DNAH2: variants seen among roughly 807,000 people sequenced by gnomAD.
DNAH2 encodes dynein axonemal heavy chain 2.
In DNAH2, 323 loss-of-function variants were observed where a neutral mutation model predicts 523.5. That is an observed-to-expected ratio of 0.62 (90% CI 0.56 to 0.68). The LOEUF is 0.68. DNAH2 is among the 30% of genes least tolerant of loss of function. The probability of loss-of-function intolerance (pLI) is 0.00; values close to 1 mark genes in which losing one functional copy is unlikely to be tolerated. For synonymous variants in DNAH2, 2,093 were observed against 2,177.4 expected, an observed-to-expected ratio of 0.96 and a Z score of 1.08; for missense variants, 4,907 against 5,701.5, an observed-to-expected ratio of 0.86 and a Z score of 4.49.
intron 12 of DNAH2, among the ~76,000 whole-genome samples, chr17:7,744,499 G>A (rs569361089): frequency 4.6e-5 from 7 of 152,094 alleles, no homozygotes; most frequent in South Asian, 2.1e-4. Flanking sequence ...GAAGCAGAGC[G>A]GAGTGTCAGG....
chr17:7,744,603 G>C (rs187409616), intron 12 of DNAH2, among the ~76,000 whole-genome samples: 1 of 152,264 alleles, frequency 6.6e-6, no homozygotes, highest in Admixed American at 6.5e-5. Context: ...TGTGCACATG[G>C]CTAGGTCGAG....
At chr17:7,768,770 A>T (rs1011687015) in intron 24 of DNAH2, among the ~76,000 whole-genome samples, 1 of 152,190 alleles carries the variant, frequency 6.6e-6, no homozygotes, top group Non-Finnish European at 1.5e-5. Context: ...CAGACTTTAC[A>T]TATGACATAT....
Position 7,833,464 on chromosome 17 carries a change from G to T in DNAH2, c.13215G>T (p.Arg4405=), listed in dbSNP as rs991581161. Reference sequence around the variant, plus strand: ...CCTTTGTCATCGGCATTGACCTGCGGTCTGGGGCCATGACACCTGATCATT... The same window carrying T: ...CCTTTGTCATCGGCATTGACCTGCGTTCTGGGGCCATGACACCTGATCATT... The part of the protein sequence containing the change: ...RASFVIGIDL[R]SGAMTPDHWI... The change falls in exon 86 of 86, where the codon CGG becomes CGT. Residue 4405 remains arginine (R), a synonymous_variant. Transcript: ENST00000572933. 6.2e-7 allele frequency: 1 copy of T among 1,614,034 alleles called. No homozygotes were observed. Among genetic ancestry groups the T allele is most frequent in the African/African-American group, 1.3e-5 (1 of 74,924 alleles).
intron 36 of DNAH2, 57 bp downstream of exon 36, chr17:7,779,480 G>A (rs1398196404): frequency 3.2e-6 from 5 of 1,552,576 alleles, no homozygotes; most frequent in African/African-American, 1.4e-5. Context: ...GTGTTCAGGG[G>A]AAATAACTGC....
At chr17:7,778,543 A>C in intron 35 of DNAH2, 74 bp downstream of exon 35, 10 of 1,386,124 alleles carry the variant, frequency 7.2e-6, no homozygotes, top group Non-Finnish European at 9.7e-6. Context: ...TGAAACCCAA[A>C]TCTGGTTCAG....
At chr17:7,741,089 C>A (rs1597494658) in intron 11 of DNAH2, 97 bp downstream of exon 11, 1 of 1,449,934 alleles carries the variant, frequency 6.9e-7, no homozygotes, top group East Asian at 2.4e-5. Flanking sequence ...TCTTCAGGAC[C>A]AGCACCTATG....
Position 7,733,327 on chromosome 17 carries a change from G to A in DNAH2, c.628+12G>A, listed in dbSNP as rs369799470. The A allele has an allele frequency of 6.2e-7, 1 of 1,613,090 alleles. No homozygotes were observed. The highest frequency in any genetic ancestry group is 1.3e-5 in the African/African-American group (1 of 74,930). On this transcript the variant is annotated intron_variant, in intron 5 of 85. Coordinates refer to ENST00000572933, the MANE Select transcript of DNAH2 (RefSeq NM_020877.5). ...GGCCTGCCTGACAGGTAAGTGGGAA[G>A]ACCGGAGTGACTAGTTTCTCCTTAG...
Position 7,824,818 on chromosome 17 carries a change from C to T in DNAH2, c.11853+91C>T, listed in dbSNP as rs2077975007. 3 of 1,159,628 alleles carry T rather than the reference C, an allele frequency of 2.6e-6. No individual in the cohort carries two copies. In the Admixed American group the frequency reaches 8.8e-5, roughly 34 times the overall value. The allele number at this position is 1,159,628 out of a possible 1,614,324, so 71.8% of individuals were successfully genotyped here. ...AGAGAGAGGGCTTAACCAACAACAA[C>T]ATGATTTGATTGTCCTCAAAAAATT... is the stretch of plus-strand genomic sequence containing the variant. On this transcript the variant is annotated intron_variant, in intron 77 of 85. Transcript: ENST00000572933.
At position 7,778,432 on chromosome 17, in the gene DNAH2, A is replaced by G. The variant is rs1404856412; in HGVS notation, c.5504A>G (p.Tyr1835Cys). ...GTCAACTGCTCTGAGGGCCTGGACT[A>G]CAAGTCCATGGGCCGAATGTACTCA... ...IVVNCSEGLD[Y>C]KSMGRMYSGL... is the part of the protein sequence containing the mutation. Residue 1835 changes from tyrosine to cysteine, a missense_variant, in exon 35 of 86, where the codon TAC becomes TGC. By Grantham distance (194) the Tyr-to-Cys change is radical (BLOSUM62 -2). Coordinates refer to ENST00000572933, the MANE Select transcript of DNAH2 (RefSeq NM_020877.5). 6.2e-7 allele frequency: 1 copy of G among 1,614,068 alleles called. No individual in the cohort carries two copies. Among genetic ancestry groups the G allele is most frequent in the African/African-American group, 1.3e-5 (1 of 74,928 alleles).
At chr17:7,792,115 C>A in intron 45 of DNAH2, 46 bp downstream of exon 45, 5 of 1,608,350 alleles carry the variant, frequency 3.1e-6, no homozygotes, top group Non-Finnish European at 2.5e-6. Context: ...TTTTCCAGAC[C>A]CCCTGGGCAT....
Position 7,780,663 on chromosome 17 carries a change from C to A in DNAH2, c.5884C>A (p.Leu1962Met). 1 of 1,614,230 alleles carries A rather than the reference C, an allele frequency of 6.2e-7. No homozygotes were observed. The highest frequency in any genetic ancestry group is 1.3e-5 in the African/African-American group (1 of 75,072). The change falls in exon 38 of 86, where the codon CTG becomes ATG. Residue 1962 changes from leucine to methionine, a missense_variant. By Grantham distance (15) the Leu-to-Met change is conservative. Around this residue, in one of 3 missense-constraint regions of DNAH2, gnomAD observed 2,806 missense variants for 3,190.8 expected, o/e 0.88. Transcript: ENST00000572933. The surrounding 1 kb of genome is among the most constrained non-coding windows in gnomAD (Gnocchi z 4.4). ...LAKKVYTLYS[L>M]AVQQLSRQDH... ...CAAGAAGGTGTACACACTCTACTCA[C>A]TGGCTGTGCAGCAGCTGTCCAGACA... is the stretch of plus-strand genomic sequence containing the variant.
At chr17:7,801,511 T>G (rs2077221185) in intron 56 of DNAH2, 67 bp from the exon 57 acceptor site, 6 of 1,601,850 alleles carry the variant, frequency 3.7e-6, no homozygotes, top group Non-Finnish European at 5.1e-6. Context: ...GGATGCGTGT[T>G]GGGAAGCCAG....
Position 7,754,417 on chromosome 17 carries a change from C to CA in DNAH2, c.1905-2673dup, listed in dbSNP as rs1464909667. The CA allele has an allele frequency of 1.6e-6, 1 of 644,726 alleles. No homozygotes were observed. Among genetic ancestry groups the CA allele is most frequent in the African/African-American group, 1.8e-5 (1 of 55,234 alleles). 39.9% of individuals were successfully genotyped at this position (644,726 alleles called of 1,614,324 possible). A position where few individuals can be genotyped will look rare whatever the true frequency, so the allele number is the denominator to read the frequency against. On this transcript the variant is annotated intron_variant, in intron 12 of 85. Coordinates refer to ENST00000572933, the MANE Select transcript of DNAH2 (RefSeq NM_020877.5). The surrounding 1 kb of genome is among the most constrained non-coding windows in gnomAD (Gnocchi z 4.6). ...ACATGGCCAAGTCCACACCATACAC[C>CA]ACCAGTCCCGAAAATGGCACAGAAA...
chr17:7,735,365 G>A (rs951537192), intron 7 of DNAH2, among the ~76,000 whole-genome samples: 5 of 152,278 alleles, frequency 3.3e-5, no homozygotes, highest in East Asian at 1.9e-4. Flanking sequence ...GCCTGACCTC[G>A]GTGATCCACC....
At chr17:7,767,492 T>A (rs1427903392) in intron 22 of DNAH2, among the ~76,000 whole-genome samples, 1 of 152,176 alleles carries the variant, frequency 6.6e-6, no homozygotes, top group Non-Finnish European at 1.5e-5. Context: ...AACTCTATGT[T>A]TAACTTTTTG....
rs1051916027 is a variant in DNAH2 at position 7,832,488 on chromosome 17, G to A, written c.12727-91G>A. ...CGTACCACTGCACTCCAGCCTGGGGGACAAGAGCAAAACTCTGTCTCTAAA... is the reference window on the plus strand; with the variant it reads ...CGTACCACTGCACTCCAGCCTGGGGAACAAGAGCAAAACTCTGTCTCTAAA... On this transcript the variant is annotated intron_variant, in intron 82 of 85. Coordinates refer to ENST00000572933, the MANE Select transcript of DNAH2 (RefSeq NM_020877.5). The surrounding 1 kb of genome is among the most constrained non-coding windows in gnomAD (Gnocchi z 4.3). 73 of 1,484,892 alleles carry A rather than the reference G, an allele frequency of 4.9e-5. No homozygotes were observed. Among genetic ancestry groups the A allele is most frequent in the Non-Finnish European group, 6.2e-5 (68 of 1,093,926 alleles). 92.0% of individuals were successfully genotyped at this position (1,484,892 alleles called of 1,614,324 possible).
intron 11 of DNAH2, 32 bp from the exon 12 acceptor site, chr17:7,742,896 C>A: frequency 7.1e-7 from 1 of 1,406,218 alleles, no homozygotes; most frequent in South Asian, 2.0e-5. Context: ...GGTGGCAGGC[C>A]GACTCCACCC....
In DNAH2 at chr17:7,821,238, C is replaced by T; in HGVS notation, c.11016-5C>T. Reference sequence around the variant, plus strand: ...CCCTCCCTCTTCCCTGTCCCTTTCTCCCAGGTACACCTGCCGTACCCTTTT... The same window carrying T: ...CCCTCCCTCTTCCCTGTCCCTTTCTTCCAGGTACACCTGCCGTACCCTTTT... On this transcript the variant is annotated splice_region_variant and splice_polypyrimidine_tract_variant and intron_variant, in intron 72 of 85. Transcript: ENST00000572933. The surrounding 1 kb of genome is among the most constrained non-coding windows in gnomAD (Gnocchi z 5.0). 1 of 1,612,436 alleles carries T rather than the reference C, an allele frequency of 6.2e-7. No individual in the cohort carries two copies. The highest frequency in any genetic ancestry group is 8.5e-7 in the Non-Finnish European group (1 of 1,178,968).
chr17:7,749,342 A>AAAAAAAGAAAG (rs1428402515), intron 12 of DNAH2, among the ~76,000 whole-genome samples: 4 of 140,872 alleles, frequency 2.8e-5, no homozygotes, highest in Non-Finnish European at 6.1e-5. Flanking sequence ...AAAAAAAAAA[A>AAAAAAAGAAAG]AAAAAAGAAA....
Sources: gnomAD v4.1 joint callset for allele counts (sites outside exome capture counted in the v4.1 genomes callset) on GRCh38, gnomAD v4.1.1 for gene constraint, gnomAD v4.1.1 regional missense constraint, Gnocchi (gnomAD v3.1) non-coding constraint, MANE v1.5 for transcripts, NCBI Gene and HGNC (gene_info 2026-07-23, HGNC 2026-07-21) for gene names.